The following MCF2L variants were observed in gnomAD, a reference collection of about 807,000 sequenced individuals.
The protein encoded by MCF2L is guanine nucleotide exchange factor DBS.
MCF2L carries 97 observed loss-of-function variants against 153.4 expected under a neutral mutation model. The ratio of observed to expected loss-of-function variants is 0.63; its 90% CI spans 0.54 to 0.75. MCF2L has a LOEUF of 0.75. MCF2L is among the 30% of genes least tolerant of loss of function. The pLI, the probability that MCF2L is intolerant of heterozygous loss-of-function variation, is 0.00. For synonymous variants in MCF2L, 659 were observed against 632.2 expected, an observed-to-expected ratio of 1.04 and a Z score of -0.64; for missense variants, 1,347 against 1,495.2, an observed-to-expected ratio of 0.90 and a Z score of 1.64.
chr13:112,987,741 G>A (rs972367118), intron 1 of MCF2L, among the ~76,000 whole-genome samples: 1 of 152,254 alleles, frequency 6.6e-6, no homozygotes, highest in African/African-American at 2.4e-5. Flanking sequence ...TCCAGGGCCT[G>A]GAAGGGGCCA....
intron 1 of MCF2L, among the ~76,000 whole-genome samples, chr13:112,898,993 G>A (rs548064311): frequency 2.6e-4 from 40 of 152,246 alleles, no homozygotes; most frequent in East Asian, 7.7e-4. Flanking sequence ...CCCCCATGCC[G>A]GGTCTGCCCC....
intron 2 of MCF2L, among the ~76,000 whole-genome samples, chr13:113,021,997 C>T (rs1185728037): frequency 3.3e-5 from 5 of 152,320 alleles, no homozygotes; most frequent in Admixed American, 2.0e-4. Context: ...GGCCCCCATC[C>T]TCTCCCCTGG....
intron 2 of MCF2L, among the ~76,000 whole-genome samples, chr13:112,946,302 T>G (rs1338496261): frequency 6.6e-6 from 1 of 151,532 alleles, no homozygotes; most frequent in Admixed American, 6.6e-5. Flanking sequence ...AAAAAAACTA[T>G]AGTAACTTTA....
chr13:112,917,129 A>G, intron 2 of MCF2L: 1 of 471,224 alleles, frequency 2.1e-6, no homozygotes, highest in South Asian at 1.5e-5. Context: ...CGGCGATCTC[A>G]GTCCCCTGGC....
At chr13:112,958,169 A>G (rs1298378259) in intron 2 of MCF2L, 2 of 152,218 alleles carry the variant, frequency 1.3e-5, no homozygotes, top group Admixed American at 6.5e-5. Flanking sequence ...TCTCGAGACC[A>G]GGCCTGCTGC....
intron 9 of MCF2L, among the ~76,000 whole-genome samples, chr13:113,071,772 T>C (rs1275810835): frequency 1.3e-5 from 2 of 152,258 alleles, no homozygotes; most frequent in East Asian, 3.8e-4. Context: ...TTGCTGCAAC[T>C]ATATAATGTC....
chr13:113,010,421 G>A (rs2084014148), intron 1 of MCF2L: 1 of 152,244 alleles, frequency 6.6e-6, no homozygotes, highest in Non-Finnish European at 1.5e-5. Context: ...CCATTGCCAG[G>A]ACCCTGTTTC....
At chr13:112,962,175 GCA>G (rs1594388935) in intron 2 of MCF2L, among the ~76,000 whole-genome samples, 3 of 150,068 alleles carry the variant, frequency 2.0e-5, no homozygotes, top group East Asian at 3.9e-4. Flanking sequence ...ATGCACAGAT[GCA>G]CACACACGCA....
chr13:113,035,373 A>C lies in MCF2L; in HGVS notation c.279-9898A>C, dbSNP rs2086091117. 6.6e-6 allele frequency among the ~76,000 whole-genome samples: 1 copy of C among 152,170 alleles called. No homozygotes were observed. The highest frequency in any genetic ancestry group is 2.4e-5 in the African/African-American group (1 of 41,446). ...GACAGTGAGGTTTTTAATATTTACA[A>C]GCCACAGAATTATTTCCTGCAGCCA... On this transcript the variant is annotated intron_variant, in intron 3 of 29. Coordinates refer to ENST00000535094, the MANE Select transcript of MCF2L (RefSeq NM_001112732.3). The surrounding 1 kb of genome is among the most constrained non-coding windows in gnomAD (Gnocchi z 4.4).
At chr13:113,002,381 G>A (rs768621721) in intron 1 of MCF2L, among the ~76,000 whole-genome samples, 5 of 152,248 alleles carry the variant, frequency 3.3e-5, no homozygotes, top group Admixed American at 1.3e-4. Flanking sequence ...TGAGGGCAGC[G>A]CCCACGTCTG....
At chr13:113,058,686 A>T (rs2030753952) in intron 4 of MCF2L, among the ~76,000 whole-genome samples, 2 of 137,546 alleles carry the variant, frequency 1.5e-5, no homozygotes, top group Non-Finnish European at 3.1e-5. Flanking sequence ...TTGGGCGCTG[A>T]GTGGGCACTG....
intron 1 of MCF2L, among the ~76,000 whole-genome samples, chr13:112,995,211 G>A (rs909442709): frequency 6.6e-6 from 1 of 152,232 alleles, no homozygotes; most frequent in African/African-American, 2.4e-5. Flanking sequence ...GAGGCTCAGG[G>A]CGTCTCTGAG....
chr13:113,077,349 A>G (rs1401046356), intron 13 of MCF2L, 138 bp downstream of exon 13: 6 of 1,053,592 alleles, frequency 5.7e-6, no homozygotes, highest in African/African-American at 1.6e-5. Flanking sequence ...TCCGGGCCCC[A>G]GTTCAGGGCC....
At position 113,096,863 on chromosome 13, in the gene MCF2L, G is replaced by C; in HGVS notation, c.*4G>C. On this transcript the variant is annotated 3_prime_UTR_variant, in exon 30 of 30. Coordinates refer to ENST00000535094, the MANE Select transcript of MCF2L (RefSeq NM_001112732.3). ...CTTCTCCGACCTGCAGGGGTAGCGCGGCCTCGGCGCCGGAGACCCGCGCGC... is the reference window on the plus strand; with the variant it reads ...CTTCTCCGACCTGCAGGGGTAGCGCCGCCTCGGCGCCGGAGACCCGCGCGC... 2.8e-6 allele frequency: 4 copies of C among 1,426,532 alleles called. No homozygotes were observed. Among genetic ancestry groups the C allele is most frequent in the Non-Finnish European group, 3.6e-6 (4 of 1,098,062 alleles). The allele number at this position is 1,426,532 out of a possible 1,614,324, so 88.4% of individuals were successfully genotyped here.
rs906657454 is a variant in MCF2L at position 113,045,009 on chromosome 13, A to G, written c.279-262A>G. The stretch of plus-strand genomic sequence containing the variant: ...GCTCGGGAGAGATGGTTCTGCCTCA[A>G]TCTGTGACTCGAGGTGGTTGGTGTT... On this transcript the variant is annotated intron_variant, in intron 3 of 29. Transcript: ENST00000535094. This position sits in a 1 kb window ranked among gnomAD's most constrained non-coding sequence, Gnocchi z 4.2. The G allele has an allele frequency of 2.0e-5, 27 of 1,337,670 alleles. No homozygotes were observed. Among genetic ancestry groups the G allele is most frequent in the African/African-American group, 2.9e-5 (2 of 68,856 alleles). The allele number at this position is 1,337,670 out of a possible 1,614,324, so 82.9% of individuals were successfully genotyped here.
At chr13:113,017,415 C>T (rs1446205414) in intron 2 of MCF2L, among the ~76,000 whole-genome samples, 1 of 152,216 alleles carries the variant, frequency 6.6e-6, no homozygotes, top group African/African-American at 2.4e-5. Context: ...CTCAAAGCCC[C>T]TCTGCCTTTC....
chr13:113,060,051 G>A (rs1008593726), intron 4 of MCF2L, among the ~76,000 whole-genome samples: 12 of 152,300 alleles, frequency 7.9e-5, no homozygotes, highest in African/African-American at 2.9e-4. Context: ...TCCTTCCAAG[G>A]CTATGGGGAG....
chr13:113,028,149 A>C lies in MCF2L; in HGVS notation c.278+3391A>C, dbSNP rs1034986384. Among the ~76,000 whole-genome samples, 2 of 151,864 alleles carry C rather than the reference A, an allele frequency of 1.3e-5. No homozygotes were observed. The highest frequency in any genetic ancestry group is 2.4e-5 in the African/African-American group (1 of 41,334). ...AGCTGGGGCGCCTCCTGTTTGTTGAACCTTCCTGTCTCTTTTGTCTTAGAA... is the reference window on the plus strand; with the variant it reads ...AGCTGGGGCGCCTCCTGTTTGTTGACCCTTCCTGTCTCTTTTGTCTTAGAA... On this transcript the variant is annotated intron_variant, in intron 3 of 29. Transcript: ENST00000535094. This position sits in a 1 kb window ranked among gnomAD's most constrained non-coding sequence, Gnocchi z 5.4.
intron 1 of MCF2L, among the ~76,000 whole-genome samples, chr13:112,901,406 G>C (rs1216043191): frequency 6.6e-6 from 1 of 152,184 alleles, no homozygotes; most frequent in East Asian, 1.9e-4. Context: ...CGCCGGCGTC[G>C]GCCTCCCAAA....
Sources: gnomAD v4.1 joint callset for allele counts (sites outside exome capture counted in the v4.1 genomes callset) on GRCh38, gnomAD v4.1.1 for gene constraint, Gnocchi (gnomAD v3.1) non-coding constraint, MANE v1.5 for transcripts, NCBI Gene and HGNC (gene_info 2026-07-23, HGNC 2026-07-21) for gene names.